Variants in DOCK2 observed in about 807,000 individuals in gnomAD.
The protein encoded by DOCK2 is dedicator of cytokinesis protein 2.
In DOCK2, 87 loss-of-function variants were observed where a neutral mutation model predicts 248.9. The ratio of observed to expected loss-of-function variants is 0.35; its 90% CI spans 0.29 to 0.42. The LOEUF (loss-of-function observed/expected upper bound fraction) is 0.42. Ranked by LOEUF, DOCK2 falls within the 10% of genes least tolerant of loss-of-function variation. DOCK2 has a pLI of 1.00. For synonymous variants in DOCK2, 805 were observed against 821.6 expected (o/e 0.98, Z 0.35); for missense variants, 1,747 against 2,300.2 (o/e 0.76, Z 4.92).
intron 36 of DOCK2, among the ~76,000 whole-genome samples, chr5:170,040,180 T>C (rs990266091): frequency 2.0e-5 from 3 of 152,232 alleles, no homozygotes; most frequent in Non-Finnish European, 2.9e-5. Context: ...AGTCACTTTA[T>C]AGATAGGTTC....
At chr5:170,037,753 T>C (rs1208826106) in intron 36 of DOCK2, among the ~76,000 whole-genome samples, 2 of 152,194 alleles carry the variant, frequency 1.3e-5, no homozygotes, top group Non-Finnish European at 2.9e-5. Flanking sequence ...CTCAAAGTGC[T>C]GGGATTACAG....
intron 27 of DOCK2, among the ~76,000 whole-genome samples, chr5:169,898,254 G>T (rs59172840): frequency 0.025 from 3,812 of 152,246 alleles, 154 homozygotes; most frequent in African/African-American, 0.081. Flanking sequence ...GGCTGCCATG[G>T]TCTCCTTTCT....
chr5:169,965,829 T>C (rs895785116), intron 27 of DOCK2, among the ~76,000 whole-genome samples: 3 of 152,190 alleles, frequency 2.0e-5, no homozygotes, highest in African/African-American at 4.8e-5. Flanking sequence ...CCCAAAATCA[T>C]TTAACTCATT....
At chr5:169,834,095 A>G (rs920052251) in intron 26 of DOCK2, among the ~76,000 whole-genome samples, 3 of 147,736 alleles carry the variant, frequency 2.0e-5, no homozygotes, top group Non-Finnish European at 3.0e-5. Context: ...CTCACAGACC[A>G]CAAGTCCTAC....
intron 22 of DOCK2, among the ~76,000 whole-genome samples, chr5:169,725,795 T>C (rs1002235630): frequency 1.3e-5 from 2 of 152,140 alleles, no homozygotes; most frequent in African/African-American, 4.8e-5. Flanking sequence ...CTTAGAATGA[T>C]GGTTTCCAGC....
At chr5:169,886,835 T>C (rs1354725347) in intron 27 of DOCK2, among the ~76,000 whole-genome samples, 1 of 152,212 alleles carries the variant, frequency 6.6e-6, no homozygotes, top group African/African-American at 2.4e-5. Flanking sequence ...CTGGGAACGA[T>C]AACTCACACA....
intron 14 of DOCK2, among the ~76,000 whole-genome samples, chr5:169,705,888 C>T (rs780474923): frequency 7.9e-5 from 12 of 152,252 alleles, no homozygotes; most frequent in African/African-American, 1.4e-4. Flanking sequence ...CTGATCCATA[C>T]TCAGATTTTC....
At position 169,852,512 on chromosome 5, in the gene DOCK2, C is replaced by T. The variant is rs529922944; in HGVS notation, c.2799+11660C>T. Among the ~76,000 whole-genome samples the T allele has an allele frequency of 2.6e-5, 4 of 152,236 alleles. No individual in the cohort carries two copies. In the South Asian group the frequency reaches 8.3e-4, roughly 32 times the overall value. ...TTTCCTCAAGAAGGGAGGAGGTCTC[C>T]TCATTCCACAGCTAGAAAGTCTCTT... On this transcript the variant is annotated intron_variant, in intron 27 of 51. Transcript: ENST00000520908.
intron 1 of DOCK2, among the ~76,000 whole-genome samples, chr5:169,645,381 T>C (rs1757402066): frequency 1.3e-5 from 2 of 152,318 alleles, no homozygotes; most frequent in South Asian, 4.1e-4. Flanking sequence ...ATCAGTGGTG[T>C]TGAGCGTTTT....
intron 27 of DOCK2, among the ~76,000 whole-genome samples, chr5:169,944,798 G>A (rs978771566): frequency 2.0e-5 from 3 of 152,318 alleles, no homozygotes; most frequent in African/African-American, 4.8e-5. Flanking sequence ...TGTGATGATC[G>A]GAAAGCTGAA....
intron 41 of DOCK2, among the ~76,000 whole-genome samples, chr5:170,051,088 G>T (rs1302799201): frequency 1.3e-5 from 2 of 152,230 alleles, no homozygotes; most frequent in Non-Finnish European, 2.9e-5. Flanking sequence ...TTTCCTTGAG[G>T]AAGGTGATGT....
intron 27 of DOCK2, among the ~76,000 whole-genome samples, chr5:169,908,324 T>C (rs1774404198): frequency 6.6e-6 from 1 of 152,176 alleles, no homozygotes. Context: ...CACATGCGAT[T>C]CTTGTGTTAT....
chr5:170,072,673 G>C (rs1286482941), intron 46 of DOCK2, among the ~76,000 whole-genome samples: 1 of 152,184 alleles, frequency 6.6e-6, no homozygotes, highest in East Asian at 1.9e-4. Context: ...CATTCTCCCT[G>C]ACACTTGATA....
intron 29 of DOCK2, among the ~76,000 whole-genome samples, chr5:169,993,962 G>A (rs1778272614): frequency 6.6e-6 from 1 of 152,224 alleles, no homozygotes; most frequent in African/African-American, 2.4e-5. Flanking sequence ...TGTAGGATAT[G>A]AGAGAAAGTC....
intron 27 of DOCK2, among the ~76,000 whole-genome samples, chr5:169,892,818 A>G (rs527584825): frequency 1.3e-5 from 2 of 152,372 alleles, no homozygotes; most frequent in East Asian, 3.9e-4. Context: ...ATGAAAGGTT[A>G]CAAATCTAGC....
chr5:169,798,782 G>A (rs947264860), intron 25 of DOCK2, among the ~76,000 whole-genome samples: 1 of 152,208 alleles, frequency 6.6e-6, no homozygotes, highest in African/African-American at 2.4e-5. Flanking sequence ...TAGAATGACT[G>A]ACTGAAAGAG....
intron 27 of DOCK2, among the ~76,000 whole-genome samples, chr5:169,924,692 T>C (rs1775343468): frequency 6.6e-6 from 1 of 152,204 alleles, no homozygotes; most frequent in African/African-American, 2.4e-5. Flanking sequence ...TTAAAGCAGA[T>C]CTGAGAGGCT....
At chr5:170,053,111 G>A (rs958901643) in intron 41 of DOCK2, among the ~76,000 whole-genome samples, 11 of 152,200 alleles carry the variant, frequency 7.2e-5, no homozygotes, top group Admixed American at 2.6e-4. Context: ...CCAGTTCCGC[G>A]CATACATTCA....
intron 9 of DOCK2, among the ~76,000 whole-genome samples, chr5:169,690,658 C>T (rs1308151412): frequency 6.6e-6 from 1 of 152,208 alleles, no homozygotes; most frequent in Non-Finnish European, 1.5e-5. Context: ...GAGAGTCCCA[C>T]AGGCCTTCCT....
Sources: allele counts gnomAD v4.1 joint callset (sites outside exome capture counted in the v4.1 genomes callset), GRCh38; gene constraint gnomAD v4.1.1; transcripts MANE v1.5; gene names NCBI Gene and HGNC (gene_info 2026-07-23, HGNC 2026-07-21).